Variants in KSR2 observed in about 807,000 individuals in gnomAD.
KSR2 encodes the protein kinase suppressor of ras 2.
KSR2 carries 25 observed loss-of-function variants against 107.8 expected under a neutral mutation model. That is an observed-to-expected ratio of 0.23 (90% CI 0.17 to 0.32). KSR2 has a LOEUF of 0.32. Among genes scored for constraint, KSR2 ranks in the 10% least tolerant of loss-of-function variants. The pLI is 1.00. For missense variants in KSR2, 887 were observed against 1,268.9 expected (o/e 0.70, Z 4.57); for synonymous variants, 480 against 507.0 (o/e 0.95, Z 0.71).
rs907033949 is a variant in KSR2 at position 117,956,998 on chromosome 12, T to A, written c.180+11078A>T. On this transcript the variant is annotated intron_variant, in intron 1 of 19. Transcript: ENST00000339824. ...CAGTCCTCTATTTCTCTCAAATAAT[T>A]GTCATCCATAATAGTCACCAAGGAA... 2.0e-5 allele frequency among the ~76,000 whole-genome samples: 3 copies of A among 152,348 alleles called. No individual in the cohort carries two copies. The South Asian group carries it at 6.2e-4, about 32-fold the overall frequency.
chr12:117,782,905 T>C (rs1400257750), intron 3 of KSR2, among the ~76,000 whole-genome samples: 1 of 152,120 alleles, frequency 6.6e-6, no homozygotes, highest in Non-Finnish European at 1.5e-5. Flanking sequence ...CAACATCCTG[T>C]GGGTAGAATG....
At chr12:117,555,768 GA>G (rs1468795974) in intron 8 of KSR2, among the ~76,000 whole-genome samples, 2 of 152,198 alleles carry the variant, frequency 1.3e-5, no homozygotes, top group Non-Finnish European at 1.5e-5. Context: ...TTGGATCCCT[GA>G]AAGAAAGACA....
chr12:117,792,272 C>G (rs1403341402), intron 3 of KSR2, among the ~76,000 whole-genome samples: 4 of 152,076 alleles, frequency 2.6e-5, no homozygotes, highest in Admixed American at 6.6e-5. Context: ...ATTGCTTAAG[C>G]CCGGGAGGTC....
chr12:117,601,484 A>G (rs1880952365), intron 5 of KSR2, among the ~76,000 whole-genome samples: 1 of 152,094 alleles, frequency 6.6e-6, no homozygotes, highest in Non-Finnish European at 1.5e-5. Flanking sequence ...AAATGGACAC[A>G]GAGACCCACA....
At chr12:117,682,725 A>G (rs1297270862) in intron 4 of KSR2, among the ~76,000 whole-genome samples, 2 of 152,138 alleles carry the variant, frequency 1.3e-5, no homozygotes, top group Non-Finnish European at 2.9e-5. Flanking sequence ...GCTGTATCTC[A>G]GAACTTAATA....
At chr12:117,959,552 C>T (rs901964275) in intron 1 of KSR2, among the ~76,000 whole-genome samples, 4 of 152,112 alleles carry the variant, frequency 2.6e-5, no homozygotes, top group Non-Finnish European at 5.9e-5. Flanking sequence ...CTCATTCCTA[C>T]CTCCTACAGT....
chr12:117,685,428 T>G (rs1885530748), intron 4 of KSR2, among the ~76,000 whole-genome samples: 1 of 152,184 alleles, frequency 6.6e-6, no homozygotes, highest in Non-Finnish European at 1.5e-5. Flanking sequence ...GTTTCCTTCC[T>G]CCTCCCCTTG....
chr12:117,597,307 G>A (rs1340401042), intron 5 of KSR2, among the ~76,000 whole-genome samples: 1 of 152,134 alleles, frequency 6.6e-6, no homozygotes, highest in Non-Finnish European at 1.5e-5. Flanking sequence ...GAAAGTAATG[G>A]CAAAAATCGC....
chr12:117,883,621 G>A (rs752748562), intron 1 of KSR2, among the ~76,000 whole-genome samples: 1 of 152,212 alleles, frequency 6.6e-6, no homozygotes, highest in African/African-American at 2.4e-5. Context: ...CAAAGACCCT[G>A]AGGTGGGAAA....
In KSR2 at chr12:117,860,373, T is replaced by G; in HGVS notation, c.239A>C (p.Gln80Pro). 1 of 1,613,618 alleles carries G rather than the reference T, an allele frequency of 6.2e-7. No individual in the cohort carries two copies. Among genetic ancestry groups the G allele is most frequent in the South Asian group, 1.1e-5 (1 of 91,034 alleles). Residue 80 changes from glutamine to proline, a missense_variant, in exon 2 of 20, where the codon CAG becomes CCG. Gln to Pro is a moderately conservative substitution (Grantham distance 76). This residue lies in a region of KSR2 where 399 missense variants were observed against 479.5 expected (regional missense o/e 0.83). Transcript: ENST00000339824. ...QLSCKKKVAL[Q>P]ERNAELDGFP... ...GCCGTCCAGCTCCGCGTTGCGCTCC[T>G]GCAAGGCTACCTTCTTTTTGCAGGA...
chr12:117,800,887 G>T (rs1037377116), intron 3 of KSR2, among the ~76,000 whole-genome samples: 3 of 152,114 alleles, frequency 2.0e-5, no homozygotes, highest in African/African-American at 7.2e-5. Context: ...TGCTGAGCAT[G>T]ATGGTTTCTA....
chr12:117,533,906 T>C (rs565201693), intron 10 of KSR2, among the ~76,000 whole-genome samples: 4 of 152,290 alleles, frequency 2.6e-5, no homozygotes, highest in Non-Finnish European at 5.9e-5. Flanking sequence ...AACTCGTTCC[T>C]GGTGACTGAA....
At chr12:117,806,992 G>A (rs931383706) in intron 3 of KSR2, among the ~76,000 whole-genome samples, 4 of 152,150 alleles carry the variant, frequency 2.6e-5, no homozygotes, top group African/African-American at 9.7e-5. Context: ...GATCCATTAC[G>A]GAGGGACAAG....
chr12:117,845,508 CCA>C (rs1271007412), intron 3 of KSR2, among the ~76,000 whole-genome samples: 1 of 152,048 alleles, frequency 6.6e-6, no homozygotes, highest in Non-Finnish European at 1.5e-5. Flanking sequence ...GCGATAGACC[CCA>C]GTTATTCAAT....
At chr12:117,715,940 C>T (rs1211535508) in intron 4 of KSR2, among the ~76,000 whole-genome samples, 1 of 152,224 alleles carries the variant, frequency 6.6e-6, no homozygotes, top group Admixed American at 6.5e-5. Flanking sequence ...AGGGCCTTTG[C>T]ACATGTCTTC....
chr12:117,920,748 C>T lies in KSR2; in HGVS notation c.180+47328G>A, dbSNP rs569749795. Among the ~76,000 whole-genome samples, 3 of 152,196 alleles carry T rather than the reference C, an allele frequency of 2.0e-5. No homozygotes were observed. The East Asian group carries it at 5.8e-4, about 29-fold the overall frequency. On this transcript the variant is annotated intron_variant, in intron 1 of 19. Transcript: ENST00000339824. ...AGTAAACTCAGTGCCTAGGGTAGAG[C>T]CAGTAGCTTCCCAGTGTGGCTGCCC... is the stretch of plus-strand genomic sequence containing the variant.
chr12:117,589,439 C>G (rs941919802), intron 5 of KSR2, among the ~76,000 whole-genome samples: 1 of 152,196 alleles, frequency 6.6e-6, no homozygotes, highest in Non-Finnish European at 1.5e-5. Flanking sequence ...AACCCAAGAG[C>G]TCATCCTCAG....
chr12:117,573,767 G>C (rs1879063800), intron 7 of KSR2, among the ~76,000 whole-genome samples: 1 of 151,974 alleles, frequency 6.6e-6, no homozygotes. Flanking sequence ...GACCTCAAAT[G>C]ATCCACCCGC....
chr12:117,949,140 T>C (rs901243406), intron 1 of KSR2, among the ~76,000 whole-genome samples: 1 of 150,536 alleles, frequency 6.6e-6, no homozygotes, highest in African/African-American at 2.5e-5. Flanking sequence ...ATAAAAGTAA[T>C]GGCAAAAACT....
Sources: gnomAD v4.1 joint callset for allele counts (sites outside exome capture counted in the v4.1 genomes callset) on GRCh38, gnomAD v4.1.1 for gene constraint, gnomAD v4.1.1 regional missense constraint, MANE v1.5 for transcripts, NCBI Gene and HGNC (gene_info 2026-07-23, HGNC 2026-07-21) for gene names.